Variants in IQCM observed in about 807,000 individuals in gnomAD.
IQCM encodes the protein IQ motif containing M.
A neutral mutation model predicts 57.6 loss-of-function variants in IQCM; 45 were observed. That is an observed-to-expected ratio of 0.78 (90% confidence interval 0.62 to 1.00). IQCM has a LOEUF of 1.00. Ranked by LOEUF, IQCM falls within the 50% of genes least tolerant of loss-of-function variation. The probability of loss-of-function intolerance (pLI) is 0.00; values close to 1 mark genes in which losing one functional copy is unlikely to be tolerated. For synonymous variants in IQCM, 148 were observed against 158.9 expected (o/e 0.93, Z 0.51); for missense variants, 468 against 511.6 (o/e 0.91, Z 0.82).
intron 13 of IQCM, among the ~76,000 whole-genome samples, chr4:149,380,666 A>T (rs955615323): frequency 1.3e-5 from 2 of 152,092 alleles, no homozygotes; most frequent in Admixed American, 1.3e-4. Context: ...ATAAAAACCC[A>T]TGTGTTATGG....
intron 10 of IQCM, among the ~76,000 whole-genome samples, chr4:149,561,224 G>T (rs1486472394): frequency 1.3e-5 from 2 of 151,920 alleles, no homozygotes; most frequent in Non-Finnish European, 2.9e-5. Flanking sequence ...TAGAAATTCA[G>T]CATTTTCCTT....
intron 13 of IQCM, among the ~76,000 whole-genome samples, chr4:149,379,055 ATGTGGTGTTGAGCCTG>A (rs1730892603): frequency 6.6e-6 from 1 of 152,174 alleles, no homozygotes; most frequent in South Asian, 2.1e-4. Flanking sequence ...GGCAGCTTCC[ATGTGGTGTTGAGCCTG>A]TGGGTGCACA....
rs70965195 is a variant in IQCM at position 149,694,218 on chromosome 4, C to CTTT, written c.386-7753_386-7751dup. 5.6e-3 allele frequency among the ~76,000 whole-genome samples: 530 copies of CTTT among 94,782 alleles called. 1 individual carries two copies. Among genetic ancestry groups the CTTT allele is most frequent in the Non-Finnish European group, 6.4e-3 (319 of 50,074 alleles). 62.2% of individuals were successfully genotyped at this position (94,782 alleles called of 152,430 possible). On this transcript the variant is annotated intron_variant, in intron 5 of 13. Transcript: ENST00000636793. ...GTTTGCCAGTGCCATGGATTAATTT[C>CTTT]TTTTTTTTTTTTTTTTTTTTTTTTG... is the stretch of plus-strand genomic sequence containing the variant.
At chr4:149,602,035 CAAAAA>C (rs1236897737) in intron 8 of IQCM, among the ~76,000 whole-genome samples, 1 of 35,456 alleles carries the variant, frequency 2.8e-5, no homozygotes, top group Non-Finnish European at 6.4e-5. Flanking sequence ...GCCTGGGCGA[CAAAAA>C]AAAAAAAAAA....
chr4:149,359,673 T>C (rs1451813255), intron 13 of IQCM, among the ~76,000 whole-genome samples: 1 of 152,216 alleles, frequency 6.6e-6, no homozygotes, highest in Non-Finnish European at 1.5e-5. Context: ...GTTTGAAGTA[T>C]TATTGTGTCC....
At chr4:149,707,259 C>T (rs1489349535) in intron 5 of IQCM, among the ~76,000 whole-genome samples, 1 of 152,044 alleles carries the variant, frequency 6.6e-6, no homozygotes, top group Non-Finnish European at 1.5e-5. Flanking sequence ...GTGATTTTAG[C>T]TTCTTATTCA....
At chr4:149,398,761 C>A (rs2111119013) in intron 13 of IQCM, among the ~76,000 whole-genome samples, 1 of 152,066 alleles carries the variant, frequency 6.6e-6, no homozygotes, top group South Asian at 2.1e-4. Flanking sequence ...GGCTACAGTG[C>A]AGAGGCACAC....
chr4:149,776,456 A>G (rs1771101116), intron 2 of IQCM, among the ~76,000 whole-genome samples: 2 of 152,182 alleles, frequency 1.3e-5, no homozygotes, highest in Admixed American at 1.3e-4. Flanking sequence ...TCTTTCCACT[A>G]TAACACATTG....
At chr4:149,527,371 A>G (rs1746263061) in intron 12 of IQCM, among the ~76,000 whole-genome samples, 1 of 152,324 alleles carries the variant, frequency 6.6e-6, no homozygotes, top group South Asian at 2.1e-4. Flanking sequence ...TAGTATTAGC[A>G]GGTGGCTTTT....
At chr4:149,354,792 C>G (rs1454541000) in intron 13 of IQCM, among the ~76,000 whole-genome samples, 1 of 151,840 alleles carries the variant, frequency 6.6e-6, no homozygotes, top group African/African-American at 2.4e-5. Context: ...TGAAAGGACC[C>G]AAAACTATAT....
In IQCM at chr4:149,742,739, C is replaced by T. The variant is rs1580177948; in HGVS notation, c.-48G>A. The T allele has an allele frequency of 2.6e-6, 3 of 1,149,790 alleles. No individual in the cohort carries two copies. In the East Asian group the frequency reaches 9.6e-5, roughly 37 times the overall value. The allele number at this position is 1,149,790 out of a possible 1,614,324, so 71.2% of individuals were successfully genotyped here. On this transcript the variant is annotated splice_region_variant and 5_prime_UTR_variant, in exon 3 of 14. Coordinates refer to ENST00000636793, the MANE Select transcript of IQCM (RefSeq NM_001363507.2). ...CTTTTTTAAAGTGTGAGCTCCAAGT[C>T]CTTAAACACAGTTACATTAAGTAAT...
At position 149,683,359 on chromosome 4, in the gene IQCM, T is replaced by G. The variant is rs540744388; in HGVS notation, c.477-1153A>C. Among the ~76,000 whole-genome samples the G allele has an allele frequency of 1.4e-3, 206 of 151,400 alleles. 3 individuals are homozygous for G. The highest frequency in any genetic ancestry group is 0.01 in the Middle Eastern group (3 of 294). ...AATCTTACATAAATTTCTAGAATTTTAAAACATTTGCCTAGAAAGCAGCAT... is the reference window on the plus strand; with the variant it reads ...AATCTTACATAAATTTCTAGAATTTGAAAACATTTGCCTAGAAAGCAGCAT... On this transcript the variant is annotated intron_variant, in intron 6 of 13. Coordinates refer to ENST00000636793, the MANE Select transcript of IQCM (RefSeq NM_001363507.2).
intron 7 of IQCM, among the ~76,000 whole-genome samples, chr4:149,636,041 T>C (rs1757688746): frequency 1.3e-5 from 2 of 152,170 alleles, no homozygotes; most frequent in African/African-American, 2.4e-5. Flanking sequence ...TATGTTTACT[T>C]TAGACATAGA....
In IQCM at chr4:149,395,380, T is replaced by C. The variant is rs140338752; in HGVS notation, c.1390+38016A>G. Among the ~76,000 whole-genome samples the C allele has an allele frequency of 6.4e-4, 98 of 152,134 alleles. 1 individual carries two copies. The East Asian group carries it at 0.018, about 28-fold the overall frequency. On this transcript the variant is annotated intron_variant, in intron 13 of 13. Coordinates refer to ENST00000636793, the MANE Select transcript of IQCM (RefSeq NM_001363507.2). ...AACTGTTTCTATTACAGAAATATCA[T>C]TTGCTGAATATGGCTTTCAGGCAAA...
At chr4:149,741,838 C>T (rs919027557) in intron 3 of IQCM, among the ~76,000 whole-genome samples, 130 of 152,096 alleles carry the variant, frequency 8.5e-4, no homozygotes, top group Non-Finnish European at 3.2e-4. Context: ...AAAAAGCTAA[C>T]TATGTGAAGT....
intron 7 of IQCM, among the ~76,000 whole-genome samples, chr4:149,659,678 A>G (rs929004474): frequency 1.3e-5 from 2 of 152,292 alleles, no homozygotes; most frequent in East Asian, 1.9e-4. Flanking sequence ...ATAACACCGC[A>G]TATCTACAAC....
At chr4:149,621,774 C>A (rs2150074505) in intron 7 of IQCM, among the ~76,000 whole-genome samples, 1 of 152,226 alleles carries the variant, frequency 6.6e-6, no homozygotes. Context: ...TGTCTCATGG[C>A]AGTTGGTACA....
chr4:149,667,642 G>A (rs570289389), intron 7 of IQCM, among the ~76,000 whole-genome samples: 1 of 151,962 alleles, frequency 6.6e-6, no homozygotes, highest in African/African-American at 2.4e-5. Context: ...GGAGCTAAAG[G>A]AGCATGTTCT....
intron 13 of IQCM, among the ~76,000 whole-genome samples, chr4:149,358,941 G>T (rs991920065): frequency 9.4e-6 from 1 of 106,162 alleles, no homozygotes; most frequent in African/African-American, 3.9e-5. Context: ...GAGAGACACG[G>T]GTTGAGGGGT....
Sources: gnomAD v4.1 joint callset for allele counts (sites outside exome capture counted in the v4.1 genomes callset) on GRCh38, gnomAD v4.1.1 for gene constraint, MANE v1.5 for transcripts, NCBI Gene and HGNC (gene_info 2026-07-23, HGNC 2026-07-21) for gene names.